The following LRRC7 variants were observed in gnomAD, a reference collection of about 807,000 sequenced individuals.
LRRC7 encodes leucine-rich repeat-containing protein 7.
LRRC7 carries 23 observed loss-of-function variants against 175.7 expected under a neutral mutation model. That is an observed-to-expected ratio of 0.13 (90% CI 0.09 to 0.19). The LOEUF (loss-of-function observed/expected upper bound fraction) is 0.19. Among genes scored for constraint, LRRC7 ranks in the 10% least tolerant of loss-of-function variants. The pLI is 1.00. For synonymous variants in LRRC7, 685 were observed against 680.9 expected, an observed-to-expected ratio of 1.01 and a Z score of -0.09; for missense variants, 1,354 against 1,904.7, an observed-to-expected ratio of 0.71 and a Z score of 5.38.
chr1:69,683,436 G>A (rs1660744993), intron 2 of LRRC7, among the ~76,000 whole-genome samples: 1 of 152,014 alleles, frequency 6.6e-6, no homozygotes, highest in Non-Finnish European at 1.5e-5. Context: ...GCCATACTGT[G>A]GATTATAAGA....
chr1:69,814,063 A>G (rs2101159037), intron 4 of LRRC7, among the ~76,000 whole-genome samples: 1 of 152,250 alleles, frequency 6.6e-6, no homozygotes, highest in South Asian at 2.1e-4. Context: ...TTATAAATTG[A>G]AAACAGTTGT....
intron 2 of LRRC7, 30 bp from the exon 3 acceptor site, chr1:69,760,156 CTGTTT>C (rs770868515): frequency 2.5e-6 from 4 of 1,599,918 alleles, no homozygotes; most frequent in Non-Finnish European, 1.7e-6. Flanking sequence ...ACTGGATAAG[CTGTTT>C]TGTTTTGTTT....
intron 26 of LRRC7, among the ~76,000 whole-genome samples, chr1:70,115,095 A>G (rs1473069101): frequency 6.6e-6 from 1 of 152,250 alleles, no homozygotes; most frequent in Non-Finnish European, 1.5e-5. Flanking sequence ...GAGCATTGAA[A>G]TGGGAATACA....
Position 69,916,070 on chromosome 1 carries a change from ATATATAATATATATATTATATACATATTT to A in LRRC7, c.648-15430_648-15402del, listed in dbSNP as rs1374951034. On this transcript the variant is annotated intron_variant, in intron 7 of 26. Transcript: ENST00000651989. The stretch of plus-strand genomic sequence containing the variant: ...TATATATTTTATATGTATATTTTAT[ATATATAATATATATATTATATACATATTT>A]TATATATAATATATATATTATATAC... Among the ~76,000 whole-genome samples, 134 of 136,976 alleles carry A rather than the reference ATATATAATATATATATTATATACATATTT, an allele frequency of 9.8e-4. 11 individuals are homozygous for A. The highest frequency in any genetic ancestry group is 3.5e-3 in the African/African-American group (131 of 37,310). 89.9% of individuals were successfully genotyped at this position (136,976 alleles called of 152,430 possible).
chr1:69,934,177 A>AT (rs897340752), intron 8 of LRRC7, among the ~76,000 whole-genome samples: 1 of 152,194 alleles, frequency 6.6e-6, no homozygotes, highest in African/African-American at 2.4e-5. Flanking sequence ...ATCAAATTCT[A>AT]TTCTGTAGCT....
At position 70,133,090 on chromosome 1, in the gene LRRC7, TAAAG is replaced by T. The variant is rs1234109564; in HGVS notation, c.*11207_*11210del. ...AGTTGTACACATCCGCATACTCTTTTAAAGAAACATGTGTCTGCAGTTCAGAAGA... is the reference window on the plus strand; with the variant it reads ...AGTTGTACACATCCGCATACTCTTTTAAACATGTGTCTGCAGTTCAGAAGA... On this transcript the variant is annotated 3_prime_UTR_variant, in exon 27 of 27. Coordinates refer to ENST00000651989, the MANE Select transcript of LRRC7 (RefSeq NM_001370785.2). Among the ~76,000 whole-genome samples, 1 of 152,152 alleles carries T rather than the reference TAAAG, an allele frequency of 6.6e-6. No individual in the cohort carries two copies. Among genetic ancestry groups the T allele is most frequent in the Non-Finnish European group, 1.5e-5 (1 of 68,020 alleles).
At chr1:70,042,960 G>A (rs528308120) in intron 21 of LRRC7, among the ~76,000 whole-genome samples, 3 of 151,722 alleles carry the variant, frequency 2.0e-5, no homozygotes, top group Non-Finnish European at 4.4e-5. Context: ...AGTAATATTT[G>A]GCTTAGAAAA....
At position 69,993,007 on chromosome 1, in the gene LRRC7, G is replaced by A. The variant is rs17131105; in HGVS notation, c.932-1554G>A. ...AGCTCCACTGGCAGGCAGGACACTC[G>A]TCTGATCCAGGCTACCAAGTCACAA... On this transcript the variant is annotated intron_variant, in intron 10 of 26. Transcript: ENST00000651989. Among the ~76,000 whole-genome samples, 214 of 152,204 alleles carry A rather than the reference G, an allele frequency of 1.4e-3. 4 individuals are homozygous for A. In the East Asian group the frequency reaches 0.016, roughly 11 times the overall value.
At chr1:69,656,845 G>A (rs1240915725) in intron 1 of LRRC7, among the ~76,000 whole-genome samples, 2 of 151,626 alleles carry the variant, frequency 1.3e-5, no homozygotes, top group Non-Finnish European at 2.9e-5. Context: ...AACCACTTGG[G>A]TATAACAATA....
At chr1:69,810,824 A>C (rs1202898999) in intron 4 of LRRC7, among the ~76,000 whole-genome samples, 1 of 152,194 alleles carries the variant, frequency 6.6e-6, no homozygotes, top group Non-Finnish European at 1.5e-5. Context: ...AAAACCCTAG[A>C]AGAAAACCTA....
intron 22 of LRRC7, among the ~76,000 whole-genome samples, chr1:70,049,161 TATC>T (rs1455055144): frequency 6.6e-6 from 1 of 152,118 alleles, no homozygotes; most frequent in Non-Finnish European, 1.5e-5. Context: ...TAAATTATCT[TATC>T]ATAGAATTTT....
At chr1:69,711,436 T>C (rs886219723) in intron 2 of LRRC7, among the ~76,000 whole-genome samples, 1 of 152,168 alleles carries the variant, frequency 6.6e-6, no homozygotes, top group African/African-American at 2.4e-5. Flanking sequence ...TCTTAGCCAA[T>C]TCAATATCTG....
intron 26 of LRRC7, 87 bp from the exon 27 acceptor site, chr1:70,121,693 A>T: frequency 1.2e-6 from 1 of 813,234 alleles, no homozygotes; most frequent in Non-Finnish European, 2.0e-6. Context: ...TTTGTTGCTC[A>T]GTGCTCCCGT....
At chr1:69,784,584 C>T (rs1371065483) in intron 3 of LRRC7, among the ~76,000 whole-genome samples, 1 of 152,132 alleles carries the variant, frequency 6.6e-6, no homozygotes, top group Non-Finnish European at 1.5e-5. Context: ...CCTTTCTTAA[C>T]TGTTGTCTCC....
intron 8 of LRRC7, among the ~76,000 whole-genome samples, chr1:69,968,765 C>T (rs1340919046): frequency 6.6e-6 from 1 of 152,130 alleles, no homozygotes; most frequent in African/African-American, 2.4e-5. Flanking sequence ...AGCAATAAAA[C>T]AACCGCTGAA....
intron 1 of LRRC7, among the ~76,000 whole-genome samples, chr1:69,610,304 G>T (rs1372228374): frequency 6.6e-6 from 1 of 151,968 alleles, no homozygotes; most frequent in Non-Finnish European, 1.5e-5. Flanking sequence ...AGCTCAATGA[G>T]ATTCAAAATC....
At chr1:69,912,292 G>T (rs555697760) in intron 7 of LRRC7, among the ~76,000 whole-genome samples, 22 of 152,170 alleles carry the variant, frequency 1.4e-4, no homozygotes, top group Non-Finnish European at 2.4e-4. Flanking sequence ...ATATGTATGT[G>T]TTAAAGGGGT....
intron 7 of LRRC7, among the ~76,000 whole-genome samples, chr1:69,923,522 A>G (rs1418037509): frequency 6.6e-6 from 1 of 152,170 alleles, no homozygotes; most frequent in African/African-American, 2.4e-5. Flanking sequence ...AACTGGTGTG[A>G]GATGGTATCT....
chr1:70,072,808 A>G (rs1339996084), intron 23 of LRRC7, among the ~76,000 whole-genome samples: 1 of 152,242 alleles, frequency 6.6e-6, no homozygotes, highest in Non-Finnish European at 1.5e-5. Context: ...TAATTCACTA[A>G]GTAGGGAATT....
Sources: gnomAD v4.1 joint callset for allele counts (sites outside exome capture counted in the v4.1 genomes callset) on GRCh38, gnomAD v4.1.1 for gene constraint, MANE v1.5 for transcripts, NCBI Gene and HGNC (gene_info 2026-07-23, HGNC 2026-07-21) for gene names.